MYH13: variants seen among roughly 807,000 people sequenced by gnomAD.
MYH13 encodes myosin heavy chain 13.
In MYH13, 177 loss-of-function variants were observed where a neutral mutation model predicts 232.1. The observed-to-expected ratio is 0.76, with a 90% CI of 0.67 to 0.86. The LOEUF is 0.86. Ranked by LOEUF, MYH13 falls within the 40% of genes least tolerant of loss-of-function variation. The pLI is 0.00. For missense variants in MYH13, 2,246 were observed against 2,405.9 expected, an observed-to-expected ratio of 0.93 and a Z score of 1.39; for synonymous variants, 884 against 923.5, an observed-to-expected ratio of 0.96 and a Z score of 0.78.
At chr17:10,320,870 C>T (rs946974896) in intron 24 of MYH13, among the ~76,000 whole-genome samples, 11 of 152,208 alleles carry the variant, frequency 7.2e-5, no homozygotes, top group African/African-American at 2.4e-5. Flanking sequence ...CACACCATCA[C>T]GCCTTGCCTG....
intron 5 of MYH13, among the ~76,000 whole-genome samples, chr17:10,361,104 A>C (rs980713766): frequency 1.3e-5 from 2 of 152,176 alleles, no homozygotes; most frequent in Admixed American, 1.3e-4. Flanking sequence ...AGCCATAGCA[A>C]ACTAATAGAA....
At chr17:10,347,563 A>G (rs969300541) in intron 12 of MYH13, among the ~76,000 whole-genome samples, 1 of 152,126 alleles carries the variant, frequency 6.6e-6, no homozygotes, top group Non-Finnish European at 1.5e-5. Context: ...AGATGGTCAA[A>G]AGCACTTGAC....
rs1057058668 is a variant in MYH13 at position 10,303,392 on chromosome 17, A to G, written c.5571+2T>C. 2 of 1,613,902 alleles carry G rather than the reference A, an allele frequency of 1.2e-6. No individual in the cohort carries two copies. The highest frequency in any genetic ancestry group is 2.2e-5 in the East Asian group (1 of 44,880). ...CACTGAGGAGGTTTTTGGGACCCCTACCTGGTAAGTCATCTCCTTGACTTT... is the reference window on the plus strand; with the variant it reads ...CACTGAGGAGGTTTTTGGGACCCCTGCCTGGTAAGTCATCTCCTTGACTTT... On this transcript the variant is annotated splice_donor_variant, in intron 38 of 40. Transcript: ENST00000252172. LOFTEE classifies it high-confidence loss of function.
At chr17:10,321,077 A>G (rs770514599) in intron 24 of MYH13, among the ~76,000 whole-genome samples, 2 of 152,224 alleles carry the variant, frequency 1.3e-5, no homozygotes, top group Non-Finnish European at 2.9e-5. Flanking sequence ...CGTGGCTCTT[A>G]CATCAAGAAC....
At position 10,324,242 on chromosome 17, in the gene MYH13, G is replaced by A; in HGVS notation, c.2714C>T (p.Ala905Val). 1 of 1,613,580 alleles carries A rather than the reference G, an allele frequency of 6.2e-7. No individual in the cohort carries two copies. The highest frequency in any genetic ancestry group is 1.1e-5 in the South Asian group (1 of 90,946). Residue 905 changes from alanine (A) to valine (V), a missense_variant, in exon 23 of 41, where the codon GCT (alanine) becomes GTT (valine). By Grantham distance (64) the Ala-to-Val change is moderately conservative. Transcript: ENST00000252172. ...GATGAGTCCTTCACACCGTTCCTCA[G>A]CGTCCATCAGATTTTCTGTTTCCTG... The part of the protein sequence containing the change: ...VQSETENLMD[A>V]EERCEGLIKS...
At chr17:10,348,186 ATTC>A (rs768017171) in intron 12 of MYH13, among the ~76,000 whole-genome samples, 6 of 152,094 alleles carry the variant, frequency 3.9e-5, no homozygotes, top group Admixed American at 6.5e-5. Context: ...TGGTACCATT[ATTC>A]TTCTTCTTGT....
At chr17:10,314,185 C>T (rs1055907761) in intron 29 of MYH13, among the ~76,000 whole-genome samples, 3 of 152,170 alleles carry the variant, frequency 2.0e-5, no homozygotes, top group Admixed American at 1.3e-4. Context: ...TTTGGGAGGC[C>T]GAGATGGGCG....
chr17:10,365,628 C>A (rs2071827977), intron 2 of MYH13, among the ~76,000 whole-genome samples: 1 of 152,182 alleles, frequency 6.6e-6, no homozygotes, highest in Non-Finnish European at 1.5e-5. Flanking sequence ...TGCAGGACTT[C>A]ATTAAGAAAT....
chr17:10,311,429 A>C (rs972261101), intron 32 of MYH13, among the ~76,000 whole-genome samples: 2 of 152,208 alleles, frequency 1.3e-5, no homozygotes, highest in Non-Finnish European at 2.9e-5. Flanking sequence ...ACAAGTAAAG[A>C]ATAGAAACTT....
At chr17:10,313,490 AC>A in intron 29 of MYH13, 136 bp from the exon 30 acceptor site, 2 of 1,314,282 alleles carry the variant, frequency 1.5e-6, no homozygotes, top group Non-Finnish European at 1.0e-6. Context: ...TCAGCATATC[AC>A]CTGGTTTATT....
chr17:10,327,087 C>T lies in MYH13; in HGVS notation c.2691+779G>A, dbSNP rs1173022999. Among the ~76,000 whole-genome samples the T allele has an allele frequency of 3.4e-4, 12 of 35,414 alleles. 3 individuals are homozygous for T. The allele number at this position is 35,414 out of a possible 152,430, so 23.2% of individuals were successfully genotyped here. The stretch of plus-strand genomic sequence containing the variant: ...CGCGATCTCAGCTCACTGCAAGCTC[C>T]GCCTCCCAGGTTCACGCCATTCTCC... On this transcript the variant is annotated intron_variant, in intron 22 of 40. Transcript: ENST00000252172.
At chr17:10,330,672 T>C (rs2142245196) in intron 20 of MYH13, 149 bp from the exon 21 acceptor site, 1 of 1,164,652 alleles carries the variant, frequency 8.6e-7, no homozygotes, top group South Asian at 1.6e-5. Context: ...TGCTTCTCGG[T>C]GGCTCTGGTC....
rs964708570 is a variant in MYH13 at position 10,309,576 on chromosome 17, G to A, written c.4911C>T (p.Asn1637=). The change falls in exon 34 of 41, where the codon AAC becomes AAT. Residue 1637 remains asparagine (N), a synonymous_variant. Coordinates refer to ENST00000252172, the MANE Select transcript of MYH13 (RefSeq NM_003802.3). ...GCTTCTGGGTCTCTGCCATCTGGCG[G>A]TTGGAGTGGCCCAGCTGAATCTCCA... ...NEMEIQLGHS[N]RQMAETQKHL... 2 of 1,613,196 alleles carry A rather than the reference G, an allele frequency of 1.2e-6. No homozygotes were observed. The highest frequency in any genetic ancestry group is 2.7e-5 in the African/African-American group (2 of 74,930).
chr17:10,354,211 C>G (rs2071731631), intron 11 of MYH13, among the ~76,000 whole-genome samples: 1 of 152,262 alleles, frequency 6.6e-6, no homozygotes, highest in South Asian at 2.1e-4. Flanking sequence ...ACAGGCCTGA[C>G]AGGTGTACTG....
chr17:10,311,814 G>T, intron 32 of MYH13, 97 bp downstream of exon 32: 1 of 1,400,490 alleles, frequency 7.1e-7, no homozygotes, highest in Non-Finnish European at 9.9e-7. Context: ...GTGGGGCAGT[G>T]GGAAGGAGGT....
chr17:10,346,811 A>G lies in MYH13; in HGVS notation c.1145-13T>C, dbSNP rs1186971138. The G allele has an allele frequency of 1.9e-6, 3 of 1,600,224 alleles. No homozygotes were observed. Among genetic ancestry groups the G allele is most frequent in the South Asian group, 1.1e-5 (1 of 90,414 alleles). ...GCTTTGTCAGCCACTGAAGGAAGAG[A>G]AAAAAATGGCATCATGCAAAAACAG... On this transcript the variant is annotated splice_polypyrimidine_tract_variant and intron_variant, in intron 12 of 40. Coordinates refer to ENST00000252172, the MANE Select transcript of MYH13 (RefSeq NM_003802.3).
chr17:10,351,227 A>AAAAAAAAAAAAAAAAAAAG, intron 11 of MYH13, among the ~76,000 whole-genome samples: 2 of 150,694 alleles, frequency 1.3e-5, no homozygotes, highest in Admixed American at 6.6e-5. Flanking sequence ...TCTCAAAAAA[A>AAAAAAAAAAAAAAAAAAAG]AAAAAAAAGA....
At chr17:10,328,766 C>T (rs1335802820) in intron 21 of MYH13, among the ~76,000 whole-genome samples, 1 of 151,824 alleles carries the variant, frequency 6.6e-6, no homozygotes, top group Non-Finnish European at 1.5e-5. Flanking sequence ...CAACCTCCGC[C>T]TCCTAGGTTC....
chr17:10,362,375 T>C lies in MYH13; in HGVS notation c.333A>G (p.Ala111=), dbSNP rs374737933. 265 of 1,614,180 alleles carry C rather than the reference T, an allele frequency of 1.6e-4. 1 individual carries two copies. The African/African-American group carries it at 2.7e-3, about 17-fold the overall frequency. The change falls in exon 4 of 41, where the codon GCA becomes GCG. Residue 111 remains alanine (A), a synonymous_variant. Coordinates refer to ENST00000252172, the MANE Select transcript of MYH13 (RefSeq NM_003802.3). ...AVLYNLKERY[A]AWMIYTYSGL... is the part of the protein sequence containing the mutation. ...AGACACTCACGTAGATCATCCAGGC[T>C]GCATAGCGCTCTTTGAGGTTGTACA...
Sources: allele counts gnomAD v4.1 joint callset (sites outside exome capture counted in the v4.1 genomes callset), GRCh38; gene constraint gnomAD v4.1.1; transcripts MANE v1.5; gene names NCBI Gene and HGNC (gene_info 2026-07-23, HGNC 2026-07-21).